Variants in ATP6V1H observed in about 807,000 individuals in gnomAD.
ATP6V1H encodes V-type proton ATPase subunit H.
In ATP6V1H, 39 loss-of-function variants were observed where a neutral mutation model predicts 71.7. That is an observed-to-expected ratio of 0.54 (90% CI 0.42 to 0.71). ATP6V1H has a LOEUF of 0.71. Ranked by LOEUF, ATP6V1H falls within the 30% of genes least tolerant of loss-of-function variation. The probability of loss-of-function intolerance (pLI) is 0.00; values close to 1 mark genes in which losing one functional copy is unlikely to be tolerated. For synonymous variants in ATP6V1H, 192 were observed against 199.3 expected (o/e 0.96, Z 0.31); for missense variants, 509 against 594.9 (o/e 0.86, Z 1.50).
intron 12 of ATP6V1H, among the ~76,000 whole-genome samples, chr8:53,751,530 G>A (rs982211771): frequency 6.6e-6 from 1 of 152,164 alleles, no homozygotes; most frequent in African/African-American, 2.4e-5. Flanking sequence ...AGAAGTGCAC[G>A]ACTTTTTTTA....
At chr8:53,786,642 G>A (rs1446517591) in intron 9 of ATP6V1H, among the ~76,000 whole-genome samples, 2 of 152,194 alleles carry the variant, frequency 1.3e-5, no homozygotes, top group African/African-American at 4.8e-5. Flanking sequence ...GACTGGAGCT[G>A]TTACTATTGA....
intron 7 of ATP6V1H, among the ~76,000 whole-genome samples, chr8:53,807,737 T>C (rs1810133145): frequency 1.3e-5 from 2 of 152,210 alleles, no homozygotes; most frequent in Admixed American, 1.3e-4. Flanking sequence ...ACTGTGGTAA[T>C]GGTTGCACAA....
chr8:53,839,533 A>G, intron 2 of ATP6V1H: 1 of 805,710 alleles, frequency 1.2e-6, no homozygotes, highest in Non-Finnish European at 1.5e-6. Context: ...AATCACTAAG[A>G]CTCTCTCAAT....
intron 9 of ATP6V1H, among the ~76,000 whole-genome samples, chr8:53,784,192 C>T (rs1433645535): frequency 6.6e-6 from 1 of 152,158 alleles, no homozygotes; most frequent in South Asian, 2.1e-4. Flanking sequence ...CTTTGTAGGT[C>T]ACTAAGGACT....
intron 2 of ATP6V1H, among the ~76,000 whole-genome samples, chr8:53,836,214 T>C (rs773367589): frequency 1.2e-4 from 18 of 152,176 alleles, no homozygotes; most frequent in Middle Eastern, 6.8e-3. Context: ...ATAAAAATAA[T>C]TTTACCCCTA....
intron 3 of ATP6V1H, chr8:53,831,684 A>G (rs979958918): frequency 1.3e-5 from 2 of 152,144 alleles, no homozygotes; most frequent in Non-Finnish European, 1.5e-5. Context: ...CAATCTATCA[A>G]GACAGCATTT....
At chr8:53,778,455 T>C (rs899315281) in intron 9 of ATP6V1H, among the ~76,000 whole-genome samples, 7 of 152,302 alleles carry the variant, frequency 4.6e-5, no homozygotes, top group African/African-American at 1.7e-4. Flanking sequence ...TGTATTTTTG[T>C]ACCCATTAAC....
At chr8:53,775,326 G>A (rs1353652046) in intron 9 of ATP6V1H, among the ~76,000 whole-genome samples, 3 of 152,182 alleles carry the variant, frequency 2.0e-5, no homozygotes, top group African/African-American at 4.8e-5. Context: ...TGCAAAGAGC[G>A]AAAGAACACA....
intron 11 of ATP6V1H, among the ~76,000 whole-genome samples, chr8:53,763,621 G>A (rs1184797934): frequency 1.3e-5 from 2 of 151,920 alleles, no homozygotes; most frequent in Non-Finnish European, 2.9e-5. Context: ...AAATCATCTT[G>A]GAAACAAAAG....
At chr8:53,841,377 C>T (rs1216122556) in intron 2 of ATP6V1H, among the ~76,000 whole-genome samples, 1 of 152,174 alleles carries the variant, frequency 6.6e-6, no homozygotes, top group Non-Finnish European at 1.5e-5. Context: ...CCATAAGCCG[C>T]TCTGCTTCCC....
At chr8:53,776,795 CTA>C (rs938247700) in intron 9 of ATP6V1H, among the ~76,000 whole-genome samples, 4 of 152,042 alleles carry the variant, frequency 2.6e-5, no homozygotes, top group African/African-American at 7.3e-5. Context: ...AACATTACGA[CTA>C]TGACCAAAGA....
intron 7 of ATP6V1H, among the ~76,000 whole-genome samples, chr8:53,803,578 A>G (rs1261499691): frequency 2.6e-5 from 4 of 152,196 alleles, no homozygotes; most frequent in Admixed American, 1.3e-4. Flanking sequence ...ACAAAACAAT[A>G]TAAGTACATT....
intron 6 of ATP6V1H, among the ~76,000 whole-genome samples, chr8:53,814,343 GCTGTGTGGGTC>G (rs1810380633): frequency 6.6e-6 from 1 of 152,074 alleles, no homozygotes; most frequent in Non-Finnish European, 1.5e-5. Context: ...GCTCTTTGGA[GCTGTGTGGGTC>G]CTTTCAGTTC....
intron 13 of ATP6V1H, among the ~76,000 whole-genome samples, chr8:53,730,933 C>A (rs1258075503): frequency 6.6e-6 from 1 of 152,146 alleles, no homozygotes; most frequent in Non-Finnish European, 1.5e-5. Context: ...CATCCACAGT[C>A]CACATGACAT....
At chr8:53,743,803 ATAAAC>A in intron 12 of ATP6V1H, 113 bp from the exon 13 acceptor site, 2 of 658,380 alleles carry the variant, frequency 3.0e-6, no homozygotes, top group South Asian at 3.9e-5. Context: ...ATGTACGTAA[ATAAAC>A]CAAACGTGTC....
intron 4 of ATP6V1H, among the ~76,000 whole-genome samples, 154 bp from the exon 5 acceptor site, chr8:53,817,684 G>A (rs973136492): frequency 4.6e-5 from 7 of 152,020 alleles, no homozygotes; most frequent in African/African-American, 1.7e-4. Context: ...ACGGGGCAGG[G>A]GGTAGGGATG....
intron 4 of ATP6V1H, among the ~76,000 whole-genome samples, chr8:53,825,873 TAAAA>T (rs976645584): frequency 1.1e-3 from 166 of 152,060 alleles, no homozygotes; most frequent in African/African-American, 3.6e-3. Context: ...AAATCTAGAT[TAAAA>T]AAATTTTTTT....
In ATP6V1H at chr8:53,765,526, A is replaced by C. The variant is rs537631589; in HGVS notation, c.1175+4092T>G. Among the ~76,000 whole-genome samples, 291 of 151,852 alleles carry C rather than the reference A, an allele frequency of 1.9e-3. 1 individual carries two copies. Among genetic ancestry groups the C allele is most frequent in the African/African-American group, 6.8e-3 (281 of 41,356 alleles). ...AAGACCATCAGCATTAGCACCAAAA[A>C]AAAAGAAAGAAAGAAAGAAAGAGAA... On this transcript the variant is annotated intron_variant, in intron 11 of 13. Coordinates refer to ENST00000359530, the MANE Select transcript of ATP6V1H (RefSeq NM_015941.4).
chr8:53,838,584 G>T (rs901616548), intron 2 of ATP6V1H, among the ~76,000 whole-genome samples: 1 of 151,872 alleles, frequency 6.6e-6, no homozygotes, highest in African/African-American at 2.4e-5. Context: ...TATTTAATTT[G>T]ATAAAAGTCT....
Sources: allele counts gnomAD v4.1 joint callset (sites outside exome capture counted in the v4.1 genomes callset), GRCh38; gene constraint gnomAD v4.1.1; transcripts MANE v1.5; gene names NCBI Gene and HGNC (gene_info 2026-07-23, HGNC 2026-07-21).